The following SKAP1 variants were observed in gnomAD, a reference collection of about 807,000 sequenced individuals.
SKAP1 encodes the protein src kinase-associated phosphoprotein 1.
In SKAP1, 44 loss-of-function variants were observed where a neutral mutation model predicts 58.5. The ratio of observed to expected loss-of-function variants is 0.75; its 90% confidence interval spans 0.59 to 0.97. SKAP1 has a LOEUF of 0.97. Among genes scored for constraint, SKAP1 ranks in the 50% least tolerant of loss-of-function variants. The pLI is 0.00. For synonymous variants in SKAP1, 127 were observed against 149.7 expected (o/e 0.85, Z 1.11); for missense variants, 390 against 435.2 (o/e 0.90, Z 0.92).
At chr17:48,294,209 T>C (rs1451190813) in intron 4 of SKAP1, 1 of 152,132 alleles carries the variant, frequency 6.6e-6, no homozygotes, top group African/African-American at 2.4e-5. Context: ...CAAATTCTCG[T>C]TGGACGAGAT....
chr17:48,211,025 C>A (rs149632290), intron 4 of SKAP1, among the ~76,000 whole-genome samples: 189 of 152,122 alleles, frequency 1.2e-3, no homozygotes, highest in African/African-American at 4.3e-3. Flanking sequence ...GGGGAGGCAC[C>A]CCAGGAATGG....
chr17:48,270,687 A>G (rs2065618800), intron 4 of SKAP1, among the ~76,000 whole-genome samples: 1 of 151,998 alleles, frequency 6.6e-6, no homozygotes, highest in African/African-American at 2.4e-5. Flanking sequence ...GTGAACAAGT[A>G]AGTCTTTAAT....
At chr17:48,356,226 C>T (rs1171140069) in intron 3 of SKAP1, among the ~76,000 whole-genome samples, 1 of 152,038 alleles carries the variant, frequency 6.6e-6, no homozygotes, top group Non-Finnish European at 1.5e-5. Flanking sequence ...CCACTGCACT[C>T]CAGCCTAGGT....
At chr17:48,163,668 C>T (rs2064099934) in intron 10 of SKAP1, among the ~76,000 whole-genome samples, 1 of 152,112 alleles carries the variant, frequency 6.6e-6, no homozygotes, top group African/African-American at 2.4e-5. Context: ...TCCACCTTTC[C>T]CTTTATTCAT....
chr17:48,301,194 T>C (rs2066051842), intron 4 of SKAP1, among the ~76,000 whole-genome samples: 1 of 152,176 alleles, frequency 6.6e-6, no homozygotes, highest in Admixed American at 6.5e-5. Flanking sequence ...CAGCCTCTAG[T>C]TTCTGAGTAC....
chr17:48,211,250 T>C (rs1450652738), intron 4 of SKAP1, among the ~76,000 whole-genome samples: 1 of 152,172 alleles, frequency 6.6e-6, no homozygotes, highest in Non-Finnish European at 1.5e-5. Flanking sequence ...GAGACCAGGC[T>C]GGGCAGCACA....
chr17:48,198,454 CAAAAAAAAA>C (rs55958821), intron 4 of SKAP1, among the ~76,000 whole-genome samples: 4 of 49,946 alleles, frequency 8.0e-5, no homozygotes, highest in South Asian at 1.1e-3. Context: ...GACTCCGTCT[CAAAAAAAAA>C]AAAAAAAAAA....
At chr17:48,313,501 A>G (rs1235594929) in intron 4 of SKAP1, among the ~76,000 whole-genome samples, 1 of 152,102 alleles carries the variant, frequency 6.6e-6, no homozygotes, top group Non-Finnish European at 1.5e-5. Context: ...TTCAAATTCA[A>G]CAATGCCCCC....
chr17:48,333,514 G>A (rs2066530818), intron 4 of SKAP1, among the ~76,000 whole-genome samples: 2 of 151,996 alleles, frequency 1.3e-5, no homozygotes, highest in Non-Finnish European at 2.9e-5. Flanking sequence ...CATCTGATAG[G>A]CAAAGTCATT....
chr17:48,218,631 A>G (rs2064968023), intron 4 of SKAP1, among the ~76,000 whole-genome samples: 1 of 152,246 alleles, frequency 6.6e-6, no homozygotes, highest in African/African-American at 2.4e-5. Flanking sequence ...GCAAAGAATT[A>G]GAAAACAATG....
intron 4 of SKAP1, among the ~76,000 whole-genome samples, chr17:48,221,362 A>G (rs1313225227): frequency 1.3e-5 from 2 of 152,228 alleles, no homozygotes; most frequent in Non-Finnish European, 2.9e-5. Flanking sequence ...AGTTGACAAA[A>G]AACTATCAAA....
intron 4 of SKAP1, among the ~76,000 whole-genome samples, chr17:48,232,903 C>G (rs151123714): frequency 6.6e-6 from 1 of 152,252 alleles, no homozygotes; most frequent in East Asian, 1.9e-4. Context: ...CCTACAAAAC[C>G]CAACCAACAG....
chr17:48,173,457 C>T (rs1008452107), intron 9 of SKAP1, among the ~76,000 whole-genome samples: 4 of 152,292 alleles, frequency 2.6e-5, no homozygotes, highest in Non-Finnish European at 5.9e-5. Flanking sequence ...ATTGTCTTCT[C>T]GTTACTCGTC....
chr17:48,251,241 G>A (rs1451142849), intron 4 of SKAP1, among the ~76,000 whole-genome samples: 1 of 152,198 alleles, frequency 6.6e-6, no homozygotes, highest in Non-Finnish European at 1.5e-5. Context: ...TTCCGTTAAA[G>A]TCTATTCTGC....
intron 1 of SKAP1, among the ~76,000 whole-genome samples, chr17:48,406,733 T>C (rs1206029904): frequency 6.6e-6 from 1 of 152,026 alleles, no homozygotes; most frequent in East Asian, 1.9e-4. Context: ...GCCTAGCTAA[T>C]TTTTGCATTT....
At chr17:48,287,604 C>A (rs1432779668) in intron 4 of SKAP1, among the ~76,000 whole-genome samples, 4 of 152,106 alleles carry the variant, frequency 2.6e-5, no homozygotes, top group African/African-American at 9.7e-5. Flanking sequence ...ATAAAGCATA[C>A]TTTTATAAAA....
In SKAP1 at chr17:48,210,382, T is replaced by G. The variant is rs191609011; in HGVS notation, c.281-20882A>C. Among the ~76,000 whole-genome samples, 407 of 152,300 alleles carry G rather than the reference T, an allele frequency of 2.7e-3. 1 individual carries two copies. Among genetic ancestry groups the G allele is most frequent in the African/African-American group, 9.2e-3 (381 of 41,544 alleles). On this transcript the variant is annotated intron_variant, in intron 4 of 12. Transcript: ENST00000336915. ...TGAGGCATGTTTATTTTTACAAAGTTCTATGAGTAGTTCTGATGCTCACCT... is the reference window on the plus strand; with the variant it reads ...TGAGGCATGTTTATTTTTACAAAGTGCTATGAGTAGTTCTGATGCTCACCT...
At chr17:48,201,577 G>A (rs1300767275) in intron 4 of SKAP1, among the ~76,000 whole-genome samples, 1 of 152,080 alleles carries the variant, frequency 6.6e-6, no homozygotes, top group Non-Finnish European at 1.5e-5. Flanking sequence ...GGTAGAGACA[G>A]GGTCTCACTA....
intron 4 of SKAP1, among the ~76,000 whole-genome samples, chr17:48,316,648 A>G (rs1318239218): frequency 6.6e-6 from 1 of 152,198 alleles, no homozygotes; most frequent in Non-Finnish European, 1.5e-5. Context: ...CCCCAGTACT[A>G]GTCTAAGGTC....
Sources: allele counts gnomAD v4.1 joint callset (sites outside exome capture counted in the v4.1 genomes callset), GRCh38; gene constraint gnomAD v4.1.1; transcripts MANE v1.5; gene names NCBI Gene and HGNC (gene_info 2026-07-23, HGNC 2026-07-21).